Variants in SLC31A2 observed in about 807,000 individuals in gnomAD.
The protein encoded by SLC31A2 is solute carrier family 31 member 2.
A neutral mutation model predicts 14.4 loss-of-function variants in SLC31A2; 16 were observed. That is an observed-to-expected ratio of 1.11 (90% CI 0.75 to 1.69). The LOEUF (loss-of-function observed/expected upper bound fraction) is 1.69, where lower values mean the gene tolerates loss of function less well. SLC31A2 is among the 40% of genes most tolerant of loss of function. SLC31A2 has a pLI of 0.00. For missense variants in SLC31A2, 140 were observed against 173.9 expected (o/e 0.81, Z 1.10); for synonymous variants, 56 against 68.7 (o/e 0.82, Z 0.91).
In SLC31A2 at chr9:113,161,490, A is replaced by T; in HGVS notation, c.74-19A>T. On this transcript the variant is annotated intron_variant, in intron 2 of 3. Coordinates refer to ENST00000259392, the MANE Select transcript of SLC31A2 (RefSeq NM_001860.3). ...GTGCTGGCCTGGCCAGGTCTCCACA[A>T]CTCTGCCTCCTTTGACAGGCATGGC... is the stretch of plus-strand genomic sequence containing the variant. 1 of 1,613,104 alleles carries T rather than the reference A, an allele frequency of 6.2e-7. No individual in the cohort carries two copies. Among genetic ancestry groups the T allele is most frequent in the Non-Finnish European group, 8.5e-7 (1 of 1,179,558 alleles).
intron 1 of SLC31A2, among the ~76,000 whole-genome samples, chr9:113,152,636 T>TG (rs1007327324): frequency 1.9e-4 from 29 of 152,206 alleles, no homozygotes; most frequent in African/African-American, 5.8e-4. Context: ...TACAACCTGT[T>TG]GTAATTATTT....
intron 2 of SLC31A2, among the ~76,000 whole-genome samples, chr9:113,159,347 G>A (rs1829976203): frequency 6.6e-6 from 1 of 152,020 alleles, no homozygotes; most frequent in African/African-American, 2.4e-5. Flanking sequence ...TGGCCAGGCT[G>A]GTCTCAAACT....
Position 113,162,921 on chromosome 9 carries a change from G to T in SLC31A2, c.*4G>T. 1.9e-6 allele frequency: 3 copies of T among 1,601,494 alleles called. No individual in the cohort carries two copies. The highest frequency in any genetic ancestry group is 2.6e-6 in the Non-Finnish European group (3 of 1,174,278). On this transcript the variant is annotated 3_prime_UTR_variant, in exon 4 of 4. Transcript: ENST00000259392. The stretch of plus-strand genomic sequence containing the variant: ...CCCACTTCTCAGCACAGCTTAGCTG[G>T]TGAGGAACGTGCAGGCACTGAGGCT...
intron 3 of SLC31A2, chr9:113,162,154 C>A: frequency 3.1e-6 from 1 of 326,602 alleles, no homozygotes; most frequent in Non-Finnish European, 5.8e-6. Context: ...GGTCCCTGTT[C>A]TGCCCTCTGT....
At position 113,162,766 on chromosome 9, in the gene SLC31A2, T is replaced by G. The variant is rs1830035177; in HGVS notation, c.281T>G (p.Phe94Cys). ...TTATCTAGGTGGTATTTGTGTCACT[T>G]TGGCCAGTCTCTAATCCATGTCATC... ...RTHHRWYLCH[F>C]GQSLIHVIQV... The change falls in exon 4 of 4, where the codon TTT (phenylalanine) becomes TGT (cysteine). Residue 94 changes from phenylalanine to cysteine, a missense_variant. By Grantham distance (205) the Phe-to-Cys change is radical (BLOSUM62 -2). Transcript: ENST00000259392. 1.9e-6 allele frequency: 3 copies of G among 1,613,128 alleles called. No homozygotes were observed. The highest frequency in any genetic ancestry group is 2.5e-6 in the Non-Finnish European group (3 of 1,179,472).
rs182034110 is a variant in SLC31A2 at position 113,164,010 on chromosome 9, A to G, written c.*1093A>G. On this transcript the variant is annotated 3_prime_UTR_variant, in exon 4 of 4. Transcript: ENST00000259392. The stretch of plus-strand genomic sequence containing the variant: ...CTGGATAGTTGAACCTCTTCACTTT[A>G]TAAAAAAGGAAAGAGAGAAAATCAC... 1 of 152,656 alleles carries G rather than the reference A, an allele frequency of 6.6e-6. No homozygotes were observed. The highest frequency in any genetic ancestry group is 1.5e-5 in the Non-Finnish European group (1 of 68,044). The allele number at this position is 152,656 out of a possible 1,614,324, so 9.5% of individuals were successfully genotyped here. A position where few individuals can be genotyped will look rare whatever the true frequency, so the allele number is the denominator to read the frequency against.
intron 2 of SLC31A2, among the ~76,000 whole-genome samples, chr9:113,159,118 T>G (rs1022994130): frequency 6.6e-6 from 1 of 152,004 alleles, no homozygotes; most frequent in Non-Finnish European, 1.5e-5. Context: ...GAAGAGAGAT[T>G]GGGGTGGGAA....
intron 1 of SLC31A2, among the ~76,000 whole-genome samples, chr9:113,156,708 GAACT>G (rs1829938030): frequency 6.6e-6 from 1 of 152,186 alleles, no homozygotes; most frequent in African/African-American, 2.4e-5. Flanking sequence ...CTGAGAGGGT[GAACT>G]AACTGATAGA....
chr9:113,154,325 G>A (rs913911736), intron 1 of SLC31A2, among the ~76,000 whole-genome samples: 9 of 152,320 alleles, frequency 5.9e-5, no homozygotes, highest in Admixed American at 3.9e-4. Flanking sequence ...TGGGTCCACA[G>A]GGGGCTTTCT....
At chr9:113,158,394 G>A (rs1036383551) in intron 2 of SLC31A2, among the ~76,000 whole-genome samples, 2 of 152,176 alleles carry the variant, frequency 1.3e-5, no homozygotes, top group African/African-American at 2.4e-5. Context: ...CCTACAATGG[G>A]TTACTATTTC....
rs1241537527 is a variant in SLC31A2, at chr9:113,157,275, G to A, written c.7-452G>A. 2.6e-5 allele frequency among the ~76,000 whole-genome samples: 4 copies of A among 152,198 alleles called. No individual in the cohort carries two copies. In the East Asian group the frequency reaches 5.8e-4, roughly 22 times the overall value. ...GACAGCTGCCTCTGGGCCCCTCCACGATAAACACTGTGGGATCTGTCTAGA... is the reference window on the plus strand; with the variant it reads ...GACAGCTGCCTCTGGGCCCCTCCACAATAAACACTGTGGGATCTGTCTAGA... On this transcript the variant is annotated intron_variant, in intron 1 of 3. Coordinates refer to ENST00000259392, the MANE Select transcript of SLC31A2 (RefSeq NM_001860.3).
chr9:113,162,682 T>C lies in SLC31A2; in HGVS notation c.264-67T>C. 4 of 1,441,120 alleles carry C rather than the reference T, an allele frequency of 2.8e-6. No individual in the cohort carries two copies. In the Admixed American group the frequency reaches 7.4e-5, roughly 27 times the overall value. The allele number at this position is 1,441,120 out of a possible 1,614,324, so 89.3% of individuals were successfully genotyped here. A position where few individuals can be genotyped will look rare whatever the true frequency, so the allele number is the denominator to read the frequency against. ...AACTCAACAGCTTTCTACTCCCTGA[T>C]ATCTACTCCCAGCTTCCTCATTACC... On this transcript the variant is annotated intron_variant, in intron 3 of 3. Transcript: ENST00000259392.
In SLC31A2 at chr9:113,151,198, T is replaced by TG; in HGVS notation, c.6+120dup. 9.3e-7 allele frequency: 1 copy of TG among 1,069,614 alleles called. No homozygotes were observed. Among genetic ancestry groups the TG allele is most frequent in the Non-Finnish European group, 1.2e-6 (1 of 824,136 alleles). The allele number at this position is 1,069,614 out of a possible 1,614,324, so 66.3% of individuals were successfully genotyped here. A position where few individuals can be genotyped will look rare whatever the true frequency, so the allele number is the denominator to read the frequency against. Reference sequence around the variant, plus strand: ...GGCCCGGGGCTGGTGAAGGGTGTGTTGGCAGCATTGCCAACAGCTGGAACA... The same window carrying TG: ...GGCCCGGGGCTGGTGAAGGGTGTGTTGGGCAGCATTGCCAACAGCTGGAACA... On this transcript the variant is annotated intron_variant, in intron 1 of 3. Coordinates refer to ENST00000259392, the MANE Select transcript of SLC31A2 (RefSeq NM_001860.3). The surrounding 1 kb of genome is among the most constrained non-coding windows in gnomAD (Gnocchi z 4.2).
chr9:113,158,310 G>A (rs891920417), intron 2 of SLC31A2, among the ~76,000 whole-genome samples: 7 of 152,184 alleles, frequency 4.6e-5, no homozygotes, highest in Non-Finnish European at 1.0e-4. Flanking sequence ...TTAAATAACT[G>A]CATCTTAAAA....
intron 2 of SLC31A2, chr9:113,158,033 C>T (rs560688413): frequency 1.3e-4 from 78 of 596,872 alleles, no homozygotes; most frequent in South Asian, 8.7e-4. Flanking sequence ...CAGCTTTTCC[C>T]TCTGTTACAG....
intron 2 of SLC31A2, among the ~76,000 whole-genome samples, chr9:113,159,063 T>C (rs1321948231): frequency 3.9e-5 from 6 of 152,184 alleles, no homozygotes; most frequent in East Asian, 1.9e-4. Context: ...GAGGCTGATA[T>C]ATACATTGAG....
In SLC31A2 at chr9:113,153,121, T is replaced by TTTG. The variant is rs1323849569; in HGVS notation, c.6+2043_6+2044insGTT. 2.1e-4 allele frequency among the ~76,000 whole-genome samples: 32 copies of TTTG among 150,626 alleles called. 1 individual carries two copies. The highest frequency in any genetic ancestry group is 3.7e-4 in the Non-Finnish European group (25 of 67,568). ...TAAACATTTTGCTGTGTCAAAATGTTTTTTTTTTTTTTGAAAGCCTAACAG... is the reference window on the plus strand; with the variant it reads ...TAAACATTTTGCTGTGTCAAAATGTTTTGTTTTTTTTTTTTGAAAGCCTAACAG... On this transcript the variant is annotated intron_variant, in intron 1 of 3. Coordinates refer to ENST00000259392, the MANE Select transcript of SLC31A2 (RefSeq NM_001860.3).
At chr9:113,158,011 G>T in intron 2 of SLC31A2, 1 of 629,702 alleles carries the variant, frequency 1.6e-6, no homozygotes, top group Non-Finnish European at 3.0e-6. Flanking sequence ...CAAAGGCCGA[G>T]AGGCAGGGAG....
chr9:113,161,479 A>G, intron 2 of SLC31A2, 30 bp from the exon 3 acceptor site: 1 of 1,609,206 alleles, frequency 6.2e-7, no homozygotes, highest in Non-Finnish European at 8.5e-7. Context: ...TGGCCTGGCC[A>G]GGTCTCCACA....
Sources: allele counts gnomAD v4.1 joint callset (sites outside exome capture counted in the v4.1 genomes callset), GRCh38; gene constraint gnomAD v4.1.1; non-coding constraint Gnocchi (gnomAD v3.1); transcripts MANE v1.5; gene names NCBI Gene and HGNC (gene_info 2026-07-23, HGNC 2026-07-21).